SUCLG1: variants seen among roughly 807,000 people sequenced by gnomAD.
SUCLG1 encodes the protein succinate-CoA ligase GDP/ADP-forming subunit alpha, also known as succinate--CoA ligase [ADP/GDP-forming] subunit alpha, mitochondrial.
Under a neutral mutation model 37.3 loss-of-function variants are expected in SUCLG1, and 26 were observed. The observed-to-expected ratio is 0.70, with a 90% CI of 0.51 to 0.97. SUCLG1 has a LOEUF of 0.97. Among genes scored for constraint, SUCLG1 ranks in the 50% least tolerant of loss-of-function variants. The pLI is 0.00. For synonymous variants in SUCLG1, 163 were observed against 155.6 expected, an observed-to-expected ratio of 1.05 and a Z score of -0.36; for missense variants, 433 against 432.9, an observed-to-expected ratio of 1.00 and a Z score of 0.00.
chr2:84,444,890 C>T (rs1278917278), intron 2 of SUCLG1, among the ~76,000 whole-genome samples: 2 of 152,152 alleles, frequency 1.3e-5, no homozygotes, highest in Non-Finnish European at 2.9e-5. Flanking sequence ...CCCGGCTCAC[C>T]GGTGGTCAGA....
Position 84,431,666 on chromosome 2 carries a change from A to C in SUCLG1, c.674-7T>G, listed in dbSNP as rs781720083. The stretch of plus-strand genomic sequence containing the variant: ...AAAGGATCACCTCCAATGCCTGAAA[A>C]AGTTGAAAAATATCAATAGCTGGAA... On this transcript the variant is annotated splice_region_variant and splice_polypyrimidine_tract_variant and intron_variant, in intron 6 of 8. Transcript: ENST00000393868. 1 of 1,613,834 alleles carries C rather than the reference A, an allele frequency of 6.2e-7. No individual in the cohort carries two copies.
At chr2:84,438,828 A>T (rs188146360) in intron 5 of SUCLG1, among the ~76,000 whole-genome samples, 21 of 152,354 alleles carry the variant, frequency 1.4e-4, no homozygotes, top group African/African-American at 5.1e-4. Context: ...GTAGCTAGCT[A>T]GAAGTTTGTA....
At chr2:84,454,762 G>T (rs566084429) in intron 1 of SUCLG1, among the ~76,000 whole-genome samples, 55 of 152,344 alleles carry the variant, frequency 3.6e-4, no homozygotes, top group Admixed American at 7.2e-4. Flanking sequence ...CTTTACCACA[G>T]ATAGTAACAC....
intron 5 of SUCLG1, among the ~76,000 whole-genome samples, chr2:84,437,872 C>T (rs1332039536): frequency 2.0e-5 from 3 of 152,148 alleles, no homozygotes; most frequent in Non-Finnish European, 2.9e-5. Context: ...CATGAATACT[C>T]CTCAGTAATA....
Position 84,447,742 on chromosome 2 carries a change from T to G in SUCLG1, c.201+1907A>C, listed in dbSNP as rs1013236421. The stretch of plus-strand genomic sequence containing the variant: ...TTATTTAGCTATCAGAATAAACATT[T>G]TTTTTTGAGACAGGGTCTCACTCTG... On this transcript the variant is annotated intron_variant, in intron 2 of 8. Transcript: ENST00000393868. 3.9e-5 allele frequency among the ~76,000 whole-genome samples: 6 copies of G among 152,080 alleles called. No homozygotes were observed. In the East Asian group the frequency reaches 7.7e-4, roughly 20 times the overall value.
chr2:84,428,729 T>G (rs899702336), intron 7 of SUCLG1, among the ~76,000 whole-genome samples: 1 of 152,124 alleles, frequency 6.6e-6, no homozygotes, highest in African/African-American at 2.4e-5. Context: ...AGTCTGAAAA[T>G]AGGACACAAA....
rs1465308579 is a variant in SUCLG1 at position 84,443,231 on chromosome 2, C to G, written c.318+53G>C. 7 of 1,470,970 alleles carry G rather than the reference C, an allele frequency of 4.8e-6. No individual in the cohort carries two copies. The Admixed American group carries it at 6.7e-5, about 14-fold the overall frequency. 91.1% of individuals were successfully genotyped at this position (1,470,970 alleles called of 1,614,324 possible). A position where few individuals can be genotyped will look rare whatever the true frequency, so the allele number is the denominator to read the frequency against. On this transcript the variant is annotated intron_variant, in intron 3 of 8. Transcript: ENST00000393868. ...AATTAAGATCTCTACCCAAAGAATG[C>G]TCGCTCTTCCCTTGCTTTTCTTGTC... is the stretch of plus-strand genomic sequence containing the variant.
At chr2:84,458,332 T>C (rs1432653475) in intron 1 of SUCLG1, 1 of 152,204 alleles carries the variant, frequency 6.6e-6, no homozygotes, top group Non-Finnish European at 1.5e-5. Context: ...TATTTTCATG[T>C]GATTGGAAAC....
intron 8 of SUCLG1, 139 bp from the exon 9 acceptor site, chr2:84,423,911 A>T: frequency 2.2e-6 from 2 of 915,224 alleles, no homozygotes; most frequent in South Asian, 3.1e-5. Context: ...AGAAAAATGT[A>T]CCAGGATGAG....
chr2:84,425,487 C>G lies in SUCLG1; in HGVS notation c.942G>C (p.Lys314Asn), dbSNP rs746990982. ...CTCCTGCACTCTGAAGGGCAGAGAT[C>G]TTCTCTTTAGCTCCACCTTTTCCTC... ...IAGGKGGAKEKISALQSAGVV... is the reference protein window; with the variant it reads ...IAGGKGGAKENISALQSAGVV... The change falls in exon 8 of 9, where the codon AAG becomes AAC. Residue 314 changes from lysine (K) to asparagine (N), a missense_variant. Coordinates refer to ENST00000393868, the MANE Select transcript of SUCLG1 (RefSeq NM_003849.4). 1 of 1,614,236 alleles carries G rather than the reference C, an allele frequency of 6.2e-7. No homozygotes were observed. Among genetic ancestry groups the G allele is most frequent in the East Asian group, 2.2e-5 (1 of 44,886 alleles).
chr2:84,445,809 G>C (rs901947957), intron 2 of SUCLG1, among the ~76,000 whole-genome samples: 1 of 152,128 alleles, frequency 6.6e-6, no homozygotes, highest in Admixed American at 6.5e-5. Context: ...ACAGCAGCCC[G>C]AGTGATCTGG....
chr2:84,433,908 G>A (rs1420459045), intron 5 of SUCLG1: 1 of 188,298 alleles, frequency 5.3e-6, no homozygotes, highest in Non-Finnish European at 1.1e-5. Flanking sequence ...TTGGGTCATG[G>A]GGATAGATCC....
intron 7 of SUCLG1, among the ~76,000 whole-genome samples, chr2:84,428,916 G>A (rs1193749093): frequency 1.3e-5 from 2 of 152,116 alleles, no homozygotes; most frequent in African/African-American, 2.4e-5. Flanking sequence ...ACCCCAGTTC[G>A]TTTGCTGTAT....
intron 3 of SUCLG1, 90 bp from the exon 4 acceptor site, chr2:84,441,549 G>A: frequency 7.0e-7 from 1 of 1,431,258 alleles, no homozygotes; most frequent in Non-Finnish European, 9.6e-7. Flanking sequence ...TAATGTCTTG[G>A]GGTAAGAAAA....
chr2:84,448,816 C>G (rs1672890081), intron 2 of SUCLG1: 1 of 193,916 alleles, frequency 5.2e-6, no homozygotes, highest in African/African-American at 2.4e-5. Context: ...ATATTATATG[C>G]TGGATAACGT....
In SUCLG1 at chr2:84,425,587, G is replaced by A. The variant is rs752431486; in HGVS notation, c.842C>T (p.Pro281Leu). 5.0e-6 allele frequency: 8 copies of A among 1,614,194 alleles called. No individual in the cohort carries two copies. Among genetic ancestry groups the A allele is most frequent in the Non-Finnish European group, 6.8e-6 (8 of 1,180,030 alleles). ...TAAACCAGCAATGAAGGACACTACA[G>A]GCTTGGAATTTGGACCCTAGAAAGA... ...KQHNSGPNSK[P>L]VVSFIAGLTA... Residue 281 changes from proline to leucine, a missense_variant, in exon 8 of 9, where the codon CCT (proline) becomes CTT (leucine). By Grantham distance (98) the Pro-to-Leu change is moderately conservative (BLOSUM62 -3). Transcript: ENST00000393868.
intron 1 of SUCLG1, 96 bp from the exon 2 acceptor site, chr2:84,449,848 T>C (rs1208051521): frequency 9.5e-6 from 9 of 947,706 alleles, no homozygotes; most frequent in African/African-American, 5.1e-5. Context: ...AAAAAAAAAA[T>C]TCTTTAATGC....
intron 6 of SUCLG1, chr2:84,432,342 T>C (rs1490205631): frequency 1.3e-5 from 2 of 152,346 alleles, no homozygotes; most frequent in African/African-American, 4.8e-5. Context: ...ATTTCTTTCT[T>C]TTCACTGCAT....
chr2:84,458,236 A>G (rs1673060711), intron 1 of SUCLG1, among the ~76,000 whole-genome samples: 2 of 152,082 alleles, frequency 1.3e-5, no homozygotes, highest in Non-Finnish European at 2.9e-5. Flanking sequence ...AGTTTTAATA[A>G]GCAATCGTTC....
Sources: allele counts gnomAD v4.1 joint callset (sites outside exome capture counted in the v4.1 genomes callset), GRCh38; gene constraint gnomAD v4.1.1; transcripts MANE v1.5; gene names NCBI Gene and HGNC (gene_info 2026-07-23, HGNC 2026-07-21).